SPIDR: variants seen among roughly 807,000 people sequenced by gnomAD.
SPIDR encodes scaffold protein involved in DNA repair.
In SPIDR, 93 loss-of-function variants were observed where a neutral mutation model predicts 104.6. The ratio of observed to expected loss-of-function variants is 0.89; its 90% CI spans 0.75 to 1.06. SPIDR has a LOEUF of 1.06. SPIDR is among the 50% of genes least tolerant of loss of function. The probability of loss-of-function intolerance (pLI) is 0.00; values close to 1 mark genes in which losing one functional copy is unlikely to be tolerated. For synonymous variants in SPIDR, 431 were observed against 416.9 expected, an observed-to-expected ratio of 1.03 and a Z score of -0.41; for missense variants, 1,154 against 1,111.2, an observed-to-expected ratio of 1.04 and a Z score of -0.55.
chr8:47,712,820 C>T lies in SPIDR; in HGVS notation c.2136C>T (p.Leu712=), dbSNP rs369788693. ...CVLGSEVLEA[L]AGAAPHSLFF... ...TGGGCTCTGAAGTCCTGGAGGCACT[C>T]GCTGGGGCTGCCCCTCACAGCCTCT... is the stretch of plus-strand genomic sequence containing the variant. Residue 712 remains leucine, a synonymous_variant, in exon 15 of 20, where the codon CTC becomes CTT. Transcript: ENST00000297423. 16 of 1,613,934 alleles carry T rather than the reference C, an allele frequency of 9.9e-6. No individual in the cohort carries two copies. The highest frequency in any genetic ancestry group is 6.7e-5 in the African/African-American group (5 of 74,864).
At chr8:47,440,253 C>A in intron 7 of SPIDR, 70 bp from the exon 8 acceptor site, 1 of 1,360,488 alleles carries the variant, frequency 7.4e-7, no homozygotes, top group Non-Finnish European at 1.0e-6. Flanking sequence ...TTTTTCATGA[C>A]ACTTTATTCA....
intron 8 of SPIDR, among the ~76,000 whole-genome samples, chr8:47,575,531 C>T (rs554142942): frequency 6.6e-6 from 1 of 150,840 alleles, no homozygotes; most frequent in Non-Finnish European, 1.5e-5. Context: ...CCTGTAGTCC[C>T]AGCTACTCAG....
chr8:47,308,007 A>G (rs6993534), intron 5 of SPIDR, among the ~76,000 whole-genome samples: 2,844 of 152,172 alleles, frequency 0.019, 90 homozygotes, highest in African/African-American at 0.064. Context: ...GCATTTGAAT[A>G]TAATGATGTG....
chr8:47,456,778 C>G (rs1420421466), intron 8 of SPIDR, among the ~76,000 whole-genome samples: 1 of 152,056 alleles, frequency 6.6e-6, no homozygotes, highest in Non-Finnish European at 1.5e-5. Flanking sequence ...TCCCCAACCC[C>G]CAAAGTCCAC....
At chr8:47,262,006 A>G (rs1045585208) in intron 1 of SPIDR, among the ~76,000 whole-genome samples, 8 of 152,220 alleles carry the variant, frequency 5.3e-5, no homozygotes, top group African/African-American at 1.9e-4. Context: ...TGGAACATCC[A>G]TGATTGTTTT....
intron 8 of SPIDR, among the ~76,000 whole-genome samples, chr8:47,459,778 T>C (rs891399079): frequency 2.6e-5 from 4 of 152,180 alleles, no homozygotes; most frequent in Non-Finnish European, 2.9e-5. Flanking sequence ...TTTAAGGCTA[T>C]GAAGTTTCCT....
At chr8:47,566,419 A>G (rs2154403696) in intron 8 of SPIDR, among the ~76,000 whole-genome samples, 1 of 152,128 alleles carries the variant, frequency 6.6e-6, no homozygotes, top group African/African-American at 2.4e-5. Context: ...CAGTTGGCTA[A>G]TAATGCAGCT....
At chr8:47,528,307 A>G (rs1461686074) in intron 8 of SPIDR, among the ~76,000 whole-genome samples, 2 of 152,214 alleles carry the variant, frequency 1.3e-5, no homozygotes, top group Admixed American at 6.5e-5. Context: ...GATAAAAAAT[A>G]TTGAAAAGTG....
chr8:47,664,497 A>G (rs577116024), intron 10 of SPIDR, among the ~76,000 whole-genome samples: 107 of 152,326 alleles, frequency 7.0e-4, no homozygotes, highest in Non-Finnish European at 1.0e-3. Flanking sequence ...ACAAACTATG[A>G]AAAGAACCAA....
intron 8 of SPIDR, among the ~76,000 whole-genome samples, chr8:47,581,544 C>T (rs534153084): frequency 1.3e-5 from 2 of 152,274 alleles, no homozygotes; most frequent in South Asian, 4.1e-4. Context: ...TAAGGCGCTC[C>T]AGCATAGTAG....
At chr8:47,505,566 C>G (rs971847500) in intron 8 of SPIDR, among the ~76,000 whole-genome samples, 12 of 152,222 alleles carry the variant, frequency 7.9e-5, no homozygotes, top group African/African-American at 2.9e-4. Context: ...AGGGAATTCC[C>G]TGACCCCTTG....
At chr8:47,272,093 G>A (rs553037979) in intron 1 of SPIDR, among the ~76,000 whole-genome samples, 1 of 152,100 alleles carries the variant, frequency 6.6e-6, no homozygotes, top group Non-Finnish European at 1.5e-5. Flanking sequence ...TCAGCCTCCT[G>A]AGTAGCTGGG....
intron 5 of SPIDR, among the ~76,000 whole-genome samples, chr8:47,359,932 C>T (rs1554628734): frequency 6.6e-6 from 1 of 152,118 alleles, no homozygotes; most frequent in Non-Finnish European, 1.5e-5. Context: ...AACAATTTAT[C>T]ACTCTCTCTC....
intron 8 of SPIDR, among the ~76,000 whole-genome samples, chr8:47,484,849 A>G (rs1263436308): frequency 6.6e-6 from 1 of 152,220 alleles, no homozygotes; most frequent in Admixed American, 6.5e-5. Flanking sequence ...TCTTAGAAAC[A>G]GATCCAGACC....
At chr8:47,397,874 G>T (rs1429838731) in intron 6 of SPIDR, among the ~76,000 whole-genome samples, 2 of 152,152 alleles carry the variant, frequency 1.3e-5, no homozygotes, top group African/African-American at 2.4e-5. Context: ...TTTGAAAACA[G>T]TGGGGGTCCG....
chr8:47,581,856 C>T (rs1038893723), intron 8 of SPIDR, among the ~76,000 whole-genome samples: 2 of 152,186 alleles, frequency 1.3e-5, no homozygotes, highest in Admixed American at 6.5e-5. Flanking sequence ...CTTTGCCACT[C>T]TCCACAGACG....
chr8:47,299,056 T>C (rs1300190974), intron 5 of SPIDR, among the ~76,000 whole-genome samples: 2 of 151,884 alleles, frequency 1.3e-5, no homozygotes, highest in African/African-American at 4.8e-5. Flanking sequence ...GTGTGGCCAT[T>C]TTCACGATAT....
At position 47,713,603 on chromosome 8, in the gene SPIDR, A is replaced by C; in HGVS notation, c.2303A>C (p.Asp768Ala). ...GGCCCGGTGATGCTCGACAGCCTGGACTCTGCAACACCTGTCAACTCCATC... is the reference window on the plus strand; with the variant it reads ...GGCCCGGTGATGCTCGACAGCCTGGCCTCTGCAACACCTGTCAACTCCATC... ...LPGPVMLDSL[D>A]SATPVNSICS... Residue 768 changes from aspartate to alanine, a missense_variant, in exon 16 of 20, where the codon GAC becomes GCC. By Grantham distance (126) the Asp-to-Ala change is moderately radical. Transcript: ENST00000297423. 6.2e-7 allele frequency: 1 copy of C among 1,614,030 alleles called. No homozygotes were observed. The highest frequency in any genetic ancestry group is 8.5e-7 in the Non-Finnish European group (1 of 1,180,022).
chr8:47,630,490 G>GT (rs1358569598), intron 10 of SPIDR, among the ~76,000 whole-genome samples: 2 of 152,134 alleles, frequency 1.3e-5, no homozygotes, highest in Non-Finnish European at 2.9e-5. Context: ...TATATACATT[G>GT]TTTTAGAGTG....
Sources: gnomAD v4.1 joint callset for allele counts (sites outside exome capture counted in the v4.1 genomes callset) on GRCh38, gnomAD v4.1.1 for gene constraint, MANE v1.5 for transcripts, NCBI Gene and HGNC (gene_info 2026-07-23, HGNC 2026-07-21) for gene names.